KIF13B: variants seen among roughly 807,000 people sequenced by gnomAD.
KIF13B encodes kinesin-like protein KIF13B.
In KIF13B, 127 loss-of-function variants were observed where a neutral mutation model predicts 222.0. That is an observed-to-expected ratio of 0.57 (90% CI 0.50 to 0.66). The LOEUF (loss-of-function observed/expected upper bound fraction) is 0.66, where lower values mean the gene tolerates loss of function less well. Among genes scored for constraint, KIF13B ranks in the 30% least tolerant of loss-of-function variants. The probability of loss-of-function intolerance (pLI) is 0.00; values close to 1 mark genes in which losing one functional copy is unlikely to be tolerated. For synonymous variants in KIF13B, 976 were observed against 919.0 expected, an observed-to-expected ratio of 1.06 and a Z score of -1.12; for missense variants, 2,173 against 2,379.0, an observed-to-expected ratio of 0.91 and a Z score of 1.80.
At chr8:29,259,637 G>C (rs1816609800) in intron 1 of KIF13B, among the ~76,000 whole-genome samples, 2 of 152,194 alleles carry the variant, frequency 1.3e-5, no homozygotes, top group Non-Finnish European at 2.9e-5. Flanking sequence ...CAAATTCCTG[G>C]AAAGGAGAAT....
Position 29,070,539 on chromosome 8 carries a change from T to C in KIF13B, c.5446A>G (p.Lys1816Glu). ...AALAKADRSH[K>E]NPENRKSWAS is the part of the protein sequence containing the mutation. ...CAGGATTTCCGGTTCTCAGGGTTCT[T>C]GTGGCTCCTGTCGGCCTTGGCCAGG... Residue 1816 changes from lysine to glutamate, a missense_variant, in exon 40 of 40, where the codon AAG (lysine) becomes GAG (glutamate). Transcript: ENST00000524189. The surrounding 1 kb of genome is among the most constrained non-coding windows in gnomAD (Gnocchi z 4.1). 4 of 1,609,880 alleles carry C rather than the reference T, an allele frequency of 2.5e-6. No homozygotes were observed. The highest frequency in any genetic ancestry group is 2.2e-5 in the East Asian group (1 of 44,812).
chr8:29,236,513 C>T (rs138285417), intron 2 of KIF13B, among the ~76,000 whole-genome samples: 2,220 of 152,192 alleles, frequency 0.015, 31 homozygotes, highest in African/African-American at 0.036. Context: ...TTTACATATT[C>T]GATGATCTTT....
intron 13 of KIF13B, among the ~76,000 whole-genome samples, chr8:29,157,013 TA>T (rs1193148335): frequency 6.6e-6 from 1 of 152,132 alleles, no homozygotes; most frequent in Non-Finnish European, 1.5e-5. Flanking sequence ...AGCTTAGATA[TA>T]ATTCTTGAGT....
At chr8:29,136,166 A>T (rs1810546772) in intron 21 of KIF13B, among the ~76,000 whole-genome samples, 1 of 152,238 alleles carries the variant, frequency 6.6e-6, no homozygotes, top group Non-Finnish European at 1.5e-5. Context: ...ATTTTTCCAC[A>T]AAGTTTTTAA....
chr8:29,185,299 TA>T (rs1019119483), intron 6 of KIF13B, among the ~76,000 whole-genome samples: 25 of 152,344 alleles, frequency 1.6e-4, no homozygotes, highest in African/African-American at 6.0e-4. Flanking sequence ...TCCCTTCTCC[TA>T]GGGGCAAGAT....
intron 14 of KIF13B, among the ~76,000 whole-genome samples, chr8:29,152,195 C>T (rs1364885287): frequency 6.6e-6 from 1 of 152,156 alleles, no homozygotes; most frequent in African/African-American, 2.4e-5. Context: ...TAAGTTGATT[C>T]TTATGAATAA....
Position 29,071,779 on chromosome 8 carries a change from G to A in KIF13B, c.5059C>T (p.Leu1687=), listed in dbSNP as rs759808906. 25 of 1,548,526 alleles carry A rather than the reference G, an allele frequency of 1.6e-5. No individual in the cohort carries two copies. The Admixed American group carries it at 4.7e-4, about 29-fold the overall frequency. ...TCAGCTTCCTCGGAATCAGAGGCCAGGGCCTGTCCCCCGGCGCCCGGGGCC... is the reference window on the plus strand; with the variant it reads ...TCAGCTTCCTCGGAATCAGAGGCCAAGGCCTGTCCCCCGGCGCCCGGGGCC... ...APAPGAGGQA[L]ASDSEEADEV... The change falls in exon 39 of 40, where the codon CTG becomes TTG. Residue 1687 remains leucine, a synonymous_variant. Coordinates refer to ENST00000524189, the MANE Select transcript of KIF13B (RefSeq NM_015254.4). This position sits in a 1 kb window ranked among gnomAD's most constrained non-coding sequence, Gnocchi z 4.9.
chr8:29,188,515 C>A lies in KIF13B; in HGVS notation c.316G>T (p.Gly106Cys). Reference protein sequence around the residue: ...NACIFAYGQTGSGKSYTMMGT... With the variant: ...NACIFAYGQTCSGKSYTMMGT... ...GTGATTTCATGTTATTTAACATTAC[C>A]AGTCTGTCCATAGGCAAAGATACAT... is the stretch of plus-strand genomic sequence containing the variant. Residue 106 changes from glycine to cysteine, a missense_variant and splice_region_variant, in exon 5 of 40, where the codon GGC becomes TGC. This residue lies in a region of KIF13B where 1,480 missense variants were observed against 1,722.8 expected (regional missense o/e 0.86). Transcript: ENST00000524189. The A allele has an allele frequency of 6.4e-7, 1 of 1,563,084 alleles. No homozygotes were observed. Among genetic ancestry groups the A allele is most frequent in the Admixed American group, 1.7e-5 (1 of 58,738 alleles).
chr8:29,078,778 C>T (rs561473672), intron 37 of KIF13B, among the ~76,000 whole-genome samples: 5 of 152,290 alleles, frequency 3.3e-5, no homozygotes, highest in African/African-American at 1.2e-4. Flanking sequence ...ATTCACATTG[C>T]CCTGTAAGTG....
rs560405861 is a variant in KIF13B, at chr8:29,218,251, T to C, written c.150-22052A>G. 2.3e-4 allele frequency among the ~76,000 whole-genome samples: 35 copies of C among 152,272 alleles called. No individual in the cohort carries two copies. The South Asian group carries it at 3.3e-3, about 14-fold the overall frequency. On this transcript the variant is annotated intron_variant, in intron 2 of 39. Coordinates refer to ENST00000524189, the MANE Select transcript of KIF13B (RefSeq NM_015254.4). ...TAAATTTAGCCCAGTGCCTGCCAAATTGTAGGCATTCAGTGAATGTTTATT... is the reference window on the plus strand; with the variant it reads ...TAAATTTAGCCCAGTGCCTGCCAAACTGTAGGCATTCAGTGAATGTTTATT...
Position 29,245,443 on chromosome 8 carries a change from T to G in KIF13B, c.56-4A>C, listed in dbSNP as rs545375401. 84 of 1,565,252 alleles carry G rather than the reference T, an allele frequency of 5.4e-5. 1 individual carries two copies. In the South Asian group the frequency reaches 9.8e-4, roughly 18 times the overall value. ...CATTTGGTATGCAAGTCAGTCTCTGTGGATAAAAAAACAAGAAAAACAGTC... is the reference window on the plus strand; with the variant it reads ...CATTTGGTATGCAAGTCAGTCTCTGGGGATAAAAAAACAAGAAAAACAGTC... On this transcript the variant is annotated splice_polypyrimidine_tract_variant and splice_region_variant and intron_variant, in intron 1 of 39. Coordinates refer to ENST00000524189, the MANE Select transcript of KIF13B (RefSeq NM_015254.4).
At chr8:29,073,681 C>T (rs772033374) in intron 38 of KIF13B, among the ~76,000 whole-genome samples, 7 of 152,148 alleles carry the variant, frequency 4.6e-5, no homozygotes, top group Non-Finnish European at 7.3e-5. Context: ...AATGGGGAAG[C>T]GGCTGAGATC....
chr8:29,134,376 G>A (rs1197815196), intron 21 of KIF13B, among the ~76,000 whole-genome samples, 166 bp from the exon 22 acceptor site: 3 of 152,174 alleles, frequency 2.0e-5, no homozygotes, highest in Non-Finnish European at 1.5e-5. Context: ...GGGAAATAGT[G>A]GTAGCAATGA....
chr8:29,160,795 A>T lies in KIF13B; in HGVS notation c.1342T>A (p.Cys448Ser), dbSNP rs368623779. ...TCAGCATTCAGATTCACAAGGAAGCATTTATCATCCCCAACTTTGATTCCC... is the reference window on the plus strand; with the variant it reads ...TCAGCATTCAGATTCACAAGGAAGCTTTTATCATCCCCAACTTTGATTCCC... The part of the protein sequence containing the change: ...SSGIKVGDDK[C>S]FLVNLNADPA... Residue 448 changes from cysteine (C) to serine (S), a missense_variant, in exon 13 of 40, where the codon TGC becomes AGC. This residue lies in a region of KIF13B where 1,480 missense variants were observed against 1,722.8 expected (regional missense o/e 0.86). Transcript: ENST00000524189. The T allele has an allele frequency of 2.5e-6, 4 of 1,613,486 alleles. No homozygotes were observed. In the African/African-American group the frequency reaches 5.3e-5, roughly 22 times the overall value.
chr8:29,260,333 G>T (rs907958367), intron 1 of KIF13B, among the ~76,000 whole-genome samples: 8 of 152,186 alleles, frequency 5.3e-5, no homozygotes, highest in Non-Finnish European at 1.0e-4. Flanking sequence ...GATAGCTAAT[G>T]TGATTCCAAA....
chr8:29,225,739 T>C (rs1008764325), intron 2 of KIF13B, among the ~76,000 whole-genome samples: 3 of 152,176 alleles, frequency 2.0e-5, no homozygotes, highest in African/African-American at 7.2e-5. Context: ...CTGGGCAGGA[T>C]TTTATTGTAA....
intron 2 of KIF13B, among the ~76,000 whole-genome samples, chr8:29,235,865 G>A (rs1300813824): frequency 3.9e-5 from 6 of 152,086 alleles, no homozygotes; most frequent in African/African-American, 1.2e-4. Context: ...AGGCAATGAG[G>A]TCCTTCCCTA....
intron 10 of KIF13B, among the ~76,000 whole-genome samples, chr8:29,174,129 T>C (rs1014014978): frequency 3.9e-5 from 6 of 152,294 alleles, no homozygotes; most frequent in Admixed American, 3.9e-4. Flanking sequence ...GCACCTAAAA[T>C]ATACTTTGAG....
intron 30 of KIF13B, 64 bp from the exon 31 acceptor site, chr8:29,117,071 G>T (rs1214321736): frequency 6.2e-6 from 9 of 1,446,030 alleles, no homozygotes; most frequent in Non-Finnish European, 8.4e-6. Flanking sequence ...ACTCTTTCAA[G>T]GAAACCACCT....
Sources: allele counts gnomAD v4.1 joint callset (sites outside exome capture counted in the v4.1 genomes callset), GRCh38; gene constraint gnomAD v4.1.1; regional missense constraint gnomAD v4.1.1; non-coding constraint Gnocchi (gnomAD v3.1); transcripts MANE v1.5; gene names NCBI Gene and HGNC (gene_info 2026-07-23, HGNC 2026-07-21).